TOPBP1: variants seen among roughly 807,000 people sequenced by gnomAD.
The protein encoded by TOPBP1 is DNA topoisomerase 2-binding protein 1.
Under a neutral mutation model 167.7 loss-of-function variants are expected in TOPBP1, and 28 were observed. That is an observed-to-expected ratio of 0.17 (90% CI 0.12 to 0.23). The LOEUF is 0.23. Among genes scored for constraint, TOPBP1 ranks in the 10% least tolerant of loss-of-function variants. The pLI, the probability that TOPBP1 is intolerant of heterozygous loss-of-function variation, is 1.00. For synonymous variants in TOPBP1, 598 were observed against 611.4 expected, an observed-to-expected ratio of 0.98 and a Z score of 0.32; for missense variants, 1,554 against 1,809.6, an observed-to-expected ratio of 0.86 and a Z score of 2.56.
chr3:133,608,847 G>A (rs781647162), intron 26 of TOPBP1, 26 bp downstream of exon 26: 8 of 1,592,956 alleles, frequency 5.0e-6, no homozygotes, highest in Non-Finnish European at 6.8e-6. Context: ...CATGTAAAAA[G>A]GTCAGTAAAT....
intron 10 of TOPBP1, among the ~76,000 whole-genome samples, chr3:133,644,819 G>A (rs936927618): frequency 1.1e-4 from 16 of 152,134 alleles, no homozygotes. Flanking sequence ...AATATTTATT[G>A]TCTACTCCTT....
chr3:133,601,212 A>C lies in TOPBP1; in HGVS notation c.*38T>G. On this transcript the variant is annotated 3_prime_UTR_variant, in exon 28 of 28. Transcript: ENST00000260810. ...GTCACATTCAGGCTTTCAATTTTTA[A>C]AAACATTTAATGTTTGGTAACTAAA... 6.4e-7 allele frequency: 1 copy of C among 1,553,318 alleles called. No homozygotes were observed. The highest frequency in any genetic ancestry group is 8.7e-7 in the Non-Finnish European group (1 of 1,154,774).
At chr3:133,614,993 T>A (rs1394200845) in intron 23 of TOPBP1, among the ~76,000 whole-genome samples, 199 of 145,142 alleles carry the variant, frequency 1.4e-3, no homozygotes, top group African/African-American at 4.5e-3. Flanking sequence ...AATAAAAAAA[T>A]AAAAAAAAAT....
chr3:133,611,267 C>G (rs1934666212), intron 24 of TOPBP1, 126 bp from the exon 25 acceptor site: 3 of 751,896 alleles, frequency 4.0e-6, no homozygotes, highest in Non-Finnish European at 5.8e-6. Context: ...GTTACAAATA[C>G]AGACAGTACT....
rs1934963769 is a variant in TOPBP1 at position 133,618,227 on chromosome 3, T to G, written c.3578A>C (p.Glu1193Ala). The stretch of plus-strand genomic sequence containing the variant: ...TTTCTTGTTACCCTGTTTAGCAATT[T>G]CTGAATCATGTAAAGGCTTTTGAAA... ...SPFQKPLHDSEIAKQAVCDPG... is the reference protein window; with the variant it reads ...SPFQKPLHDSAIAKQAVCDPG... The change falls in exon 21 of 28, where the codon GAA becomes GCA. Residue 1193 changes from glutamate to alanine, a missense_variant. This residue lies in a region of TOPBP1 where 351 missense variants were observed against 432.9 expected (regional missense o/e 0.81). Coordinates refer to ENST00000260810, the MANE Select transcript of TOPBP1 (RefSeq NM_007027.4). The G allele has an allele frequency of 6.2e-7, 1 of 1,613,556 alleles. No homozygotes were observed. Among genetic ancestry groups the G allele is most frequent in the Admixed American group, 1.7e-5 (1 of 59,988 alleles).
intron 14 of TOPBP1, 132 bp downstream of exon 14, chr3:133,637,744 A>G (rs1201263433): frequency 5.4e-6 from 5 of 928,502 alleles, no homozygotes; most frequent in Non-Finnish European, 3.2e-6. Context: ...GTTCAAACTC[A>G]GTAACATAAA....
In TOPBP1 at chr3:133,601,029, G is replaced by A; in HGVS notation, c.*221C>T. 2.9e-6 allele frequency: 1 copy of A among 349,680 alleles called. No individual in the cohort carries two copies. Among genetic ancestry groups the A allele is most frequent in the Non-Finnish European group, 5.2e-6 (1 of 192,654 alleles). 21.7% of individuals were successfully genotyped at this position (349,680 alleles called of 1,614,324 possible). On this transcript the variant is annotated 3_prime_UTR_variant, in exon 28 of 28. Transcript: ENST00000260810. ...TTAACAGCAAGCTAGCTGAGGAGTTGTATTTTGTTGTTATTTCAGGTAACT... is the reference window on the plus strand; with the variant it reads ...TTAACAGCAAGCTAGCTGAGGAGTTATATTTTGTTGTTATTTCAGGTAACT...
At chr3:133,611,208 T>C in intron 24 of TOPBP1, 67 bp from the exon 25 acceptor site, 7 of 1,462,052 alleles carry the variant, frequency 4.8e-6, no homozygotes, top group Non-Finnish European at 6.4e-6. Flanking sequence ...CATACAGGGC[T>C]CCTCAAGGAG....
At chr3:133,636,333 C>T (rs1428894081) in intron 14 of TOPBP1, among the ~76,000 whole-genome samples, 1 of 151,910 alleles carries the variant, frequency 6.6e-6, no homozygotes, top group Non-Finnish European at 1.5e-5. Context: ...TGTGATTATT[C>T]CATGGGCCCT....
rs1410870231 is a variant in TOPBP1, at chr3:133,644,293, A to C, written c.1575T>G (p.Thr525=). The part of the protein sequence containing the change: ...STHAEPLNDS[T]HISLQEENQS... ...GGTTTTCTTCTTGCAAAGAAATGTG[A>C]GTAGAATCATTCAAGGGCTCAGCAT... is the stretch of plus-strand genomic sequence containing the variant. The change falls in exon 11 of 28, where the codon ACT becomes ACG. Residue 525 remains threonine (T), a synonymous_variant. Transcript: ENST00000260810. 1.2e-6 allele frequency: 2 copies of C among 1,613,418 alleles called. No homozygotes were observed. The highest frequency in any genetic ancestry group is 1.7e-6 in the Non-Finnish European group (2 of 1,179,672).
rs370665597 is a variant in TOPBP1, at chr3:133,633,748, G to A, written c.2520+4128C>T. Among the ~76,000 whole-genome samples the A allele has an allele frequency of 5.4e-4, 82 of 152,276 alleles. 1 individual carries two copies. The highest frequency in any genetic ancestry group is 3.4e-3 in the Middle Eastern group (1 of 294). The stretch of plus-strand genomic sequence containing the variant: ...CAAGGCTATAATGGGCTGTGATCAT[G>A]CCACTACACTCCAGCCTGGACGACA... On this transcript the variant is annotated intron_variant, in intron 14 of 27. Transcript: ENST00000260810.
At chr3:133,608,394 T>C (rs1934561638) in intron 27 of TOPBP1, 141 bp downstream of exon 27, 3 of 877,278 alleles carry the variant, frequency 3.4e-6, no homozygotes, top group Admixed American at 2.9e-5. Context: ...AGAATAAAAC[T>C]GAAAGGGCTG....
Position 133,638,067 on chromosome 3 carries a change from C to T in TOPBP1, c.2329G>A (p.Val777Ile), listed in dbSNP as rs757144348. 1.3e-5 allele frequency: 21 copies of T among 1,613,818 alleles called. No homozygotes were observed. The highest frequency in any genetic ancestry group is 2.7e-5 in the African/African-American group (2 of 74,900). Residue 777 changes from valine to isoleucine, a missense_variant, in exon 14 of 28, where the codon GTC becomes ATC. Val to Ile is a conservative substitution (Grantham distance 29, BLOSUM62 3). This residue lies in a region of TOPBP1 where 1,197 missense variants were observed against 1,351.5 expected (regional missense o/e 0.89). Coordinates refer to ENST00000260810, the MANE Select transcript of TOPBP1 (RefSeq NM_007027.4). ...GTRLQTHRKT[V>I]VTPLDMNRFQ... Reference sequence around the variant, plus strand: ...CGGTTCATATCTAAAGGTGTAACGACGGTTTTTCTGTGAGTTTGCAGGCGT... The same window carrying T: ...CGGTTCATATCTAAAGGTGTAACGATGGTTTTTCTGTGAGTTTGCAGGCGT...
intron 23 of TOPBP1, among the ~76,000 whole-genome samples, chr3:133,616,222 C>T (rs890968670): frequency 1.3e-5 from 2 of 151,594 alleles, no homozygotes; most frequent in African/African-American, 2.4e-5. Context: ...CAGGTTCAAG[C>T]GATTCTCTTG....
chr3:133,646,575 C>T (rs980432053), intron 10 of TOPBP1, among the ~76,000 whole-genome samples: 3 of 150,536 alleles, frequency 2.0e-5, no homozygotes, highest in South Asian at 2.1e-4. Flanking sequence ...TGCGTGAACT[C>T]GGGAGGAGGA....
At chr3:133,645,293 T>C (rs1936037099) in intron 10 of TOPBP1, among the ~76,000 whole-genome samples, 1 of 152,136 alleles carries the variant, frequency 6.6e-6, no homozygotes, top group African/African-American at 2.4e-5. Context: ...GGAAGCATAG[T>C]TTTGTCTAGG....
At chr3:133,623,019 A>T in intron 19 of TOPBP1, 72 bp downstream of exon 19, 7 of 827,186 alleles carry the variant, frequency 8.5e-6, no homozygotes, top group Non-Finnish European at 1.3e-5. Flanking sequence ...AGATGACAAG[A>T]CCCCATCTCC....
Position 133,657,918 on chromosome 3 carries a change from A to G in TOPBP1, c.243T>C (p.Pro81=). The stretch of plus-strand genomic sequence containing the variant: ...GGTGCATACAAAATATGACTACTTG[A>G]GGACCAACAATTCTGCAGCCAAGCT... ...LKKLGCRIVG[P]QVVIFCMHHQ... Residue 81 remains proline, a synonymous_variant, in exon 4 of 28, where the codon CCT becomes CCC. Coordinates refer to ENST00000260810, the MANE Select transcript of TOPBP1 (RefSeq NM_007027.4). 1.3e-6 allele frequency: 2 copies of G among 1,575,234 alleles called. No homozygotes were observed. The highest frequency in any genetic ancestry group is 2.4e-5 in the South Asian group (2 of 84,032).
intron 12 of TOPBP1, 43 bp from the exon 13 acceptor site, chr3:133,640,213 A>C: frequency 6.5e-7 from 1 of 1,529,340 alleles, no homozygotes; most frequent in East Asian, 2.3e-5. Context: ...CACATATACA[A>C]TTAACCCGCA....
Sources: allele counts gnomAD v4.1 joint callset (sites outside exome capture counted in the v4.1 genomes callset), GRCh38; gene constraint gnomAD v4.1.1; regional missense constraint gnomAD v4.1.1; transcripts MANE v1.5; gene names NCBI Gene and HGNC (gene_info 2026-07-23, HGNC 2026-07-21).